The following IL1RAPL1 variants were observed in gnomAD, a reference collection of about 807,000 sequenced individuals.
IL1RAPL1 encodes the protein interleukin 1 receptor accessory protein like 1.
A neutral mutation model predicts 48.4 loss-of-function variants in IL1RAPL1; 3 were observed. That is an observed-to-expected ratio of 0.06 (90% CI 0.03 to 0.16). The LOEUF (loss-of-function observed/expected upper bound fraction) is 0.16, where lower values mean the gene tolerates loss of function less well. Ranked by LOEUF, IL1RAPL1 falls within the 10% of genes least tolerant of loss-of-function variation. IL1RAPL1 has a pLI of 1.00. For missense variants in IL1RAPL1, 349 were observed against 530.6 expected (o/e 0.66, Z 3.36); for synonymous variants, 185 against 187.7 (o/e 0.99, Z 0.12).
intron 2 of IL1RAPL1, among the ~76,000 whole-genome samples, chrX:29,087,383 G>A (rs1349420928): frequency 9.1e-6 from 1 of 110,217 alleles, no homozygotes; most frequent in Non-Finnish European, 1.9e-5. Context: ...TGATCTGCCC[G>A]CCTCGGCCTC....
intron 5 of IL1RAPL1, among the ~76,000 whole-genome samples, chrX:29,457,643 G>C (rs908085188): frequency 4.5e-5 from 5 of 112,193 alleles, no homozygotes; most frequent in African/African-American, 1.6e-4. Flanking sequence ...GGGTGAAGAA[G>C]ATACAAGTGC....
chrX:28,730,322 TAGAA>T (rs1164756555), intron 1 of IL1RAPL1, among the ~76,000 whole-genome samples: 1 of 111,648 alleles, frequency 9.0e-6, no homozygotes. Flanking sequence ...TGTATATAGT[TAGAA>T]AGGGCTATAG....
At chrX:28,932,379 C>A (rs1225504905) in intron 2 of IL1RAPL1, among the ~76,000 whole-genome samples, 1 of 111,593 alleles carries the variant, frequency 9.0e-6, no homozygotes, top group Admixed American at 9.5e-5. Context: ...AAATATGTCT[C>A]ATTATTTTCT....
chrX:29,879,913 G>A (rs1161532926), intron 6 of IL1RAPL1, among the ~76,000 whole-genome samples: 4 of 110,960 alleles, frequency 3.6e-5, no homozygotes, highest in Admixed American at 9.7e-5. Context: ...TAATAGTTTC[G>A]TGCCTAAGAG....
intron 5 of IL1RAPL1, among the ~76,000 whole-genome samples, chrX:29,441,081 T>C (rs774896064): frequency 9.0e-6 from 1 of 111,131 alleles, no homozygotes; most frequent in African/African-American, 3.3e-5. Flanking sequence ...ATCTACTTTT[T>C]ACAACTTTAA....
chrX:28,892,520 A>G (rs1459707805), intron 2 of IL1RAPL1, among the ~76,000 whole-genome samples: 1 of 111,524 alleles, frequency 9.0e-6, no homozygotes, highest in Non-Finnish European at 1.9e-5. Flanking sequence ...ATCCGGATGT[A>G]TATGTGTAGG....
At chrX:29,883,869 A>T (rs1336122093) in intron 6 of IL1RAPL1, among the ~76,000 whole-genome samples, 1 of 112,422 alleles carries the variant, frequency 8.9e-6, no homozygotes, top group Non-Finnish European at 1.9e-5. Flanking sequence ...AACTTAATTA[A>T]CATTTTCTAA....
At chrX:29,087,758 G>A (rs1450092611) in intron 2 of IL1RAPL1, among the ~76,000 whole-genome samples, 4 of 112,432 alleles carry the variant, frequency 3.6e-5, no homozygotes, top group African/African-American at 1.3e-4. Flanking sequence ...CATAGGCTGA[G>A]CTCAATGGCT....
chrX:28,944,897 G>A (rs939608531), intron 2 of IL1RAPL1, among the ~76,000 whole-genome samples: 1 of 110,214 alleles, frequency 9.1e-6, no homozygotes, highest in Non-Finnish European at 1.9e-5. Flanking sequence ...TTCAAAGTCA[G>A]TGATTGACAT....
At chrX:29,217,198 T>C (rs1185368349) in intron 2 of IL1RAPL1, among the ~76,000 whole-genome samples, 1 of 112,279 alleles carries the variant, frequency 8.9e-6, no homozygotes, top group Non-Finnish European at 1.9e-5. Flanking sequence ...GATACATGAT[T>C]GAATTGTTTA....
chrX:29,219,033 C>T (rs904402574), intron 2 of IL1RAPL1, among the ~76,000 whole-genome samples: 6 of 111,985 alleles, frequency 5.4e-5, no homozygotes, highest in African/African-American at 1.6e-4. Context: ...ATATGAAATG[C>T]GGTCTTTTGA....
chrX:29,823,779 A>G (rs1421625937), intron 6 of IL1RAPL1, among the ~76,000 whole-genome samples: 2 of 111,977 alleles, frequency 1.8e-5, no homozygotes, highest in Non-Finnish European at 3.8e-5. Context: ...GTATAACTTA[A>G]CATGTAATTT....
intron 5 of IL1RAPL1, among the ~76,000 whole-genome samples, chrX:29,561,991 A>G (rs1329725306): frequency 1.8e-5 from 2 of 111,259 alleles, no homozygotes; most frequent in Non-Finnish European, 3.8e-5. Flanking sequence ...AAAACATTAG[A>G]TATGAATTCT....
intron 2 of IL1RAPL1, among the ~76,000 whole-genome samples, chrX:28,981,773 C>T (rs1925347721): frequency 9.0e-6 from 1 of 111,603 alleles, no homozygotes; most frequent in East Asian, 2.8e-4. Context: ...AGGAGAAGGA[C>T]TGAAGAGAAG....
chrX:29,061,853 T>A (rs1927349705), intron 2 of IL1RAPL1, among the ~76,000 whole-genome samples: 1 of 112,562 alleles, frequency 8.9e-6, no homozygotes, highest in South Asian at 3.7e-4. Context: ...GTTCTTTAGT[T>A]GTCATTTCAA....
At chrX:29,599,589 T>C (rs1157597543) in intron 5 of IL1RAPL1, among the ~76,000 whole-genome samples, 1 of 112,540 alleles carries the variant, frequency 8.9e-6, no homozygotes, top group African/African-American at 3.2e-5. Context: ...GAAGTTTTCA[T>C]TGATTATTTC....
At chrX:29,619,432 TTATAA>T (rs1412680545) in intron 5 of IL1RAPL1, among the ~76,000 whole-genome samples, 1 of 111,803 alleles carries the variant, frequency 8.9e-6, no homozygotes, top group Admixed American at 9.6e-5. Flanking sequence ...GTTTTCTTTA[TTATAA>T]TCTATCTCAA....
At chrX:29,827,290 G>A (rs1333923728) in intron 6 of IL1RAPL1, among the ~76,000 whole-genome samples, 1 of 112,355 alleles carries the variant, frequency 8.9e-6, no homozygotes, top group Non-Finnish European at 1.9e-5. Flanking sequence ...AGTCATTATG[G>A]AGCTGTACTT....
chrX:29,586,932 C>T (rs1248002631), intron 5 of IL1RAPL1, among the ~76,000 whole-genome samples: 1 of 110,982 alleles, frequency 9.0e-6, no homozygotes, highest in Non-Finnish European at 1.9e-5. Flanking sequence ...TTGGTGGAAT[C>T]TTTAAGATTT....
Sources: allele counts gnomAD v4.1 joint callset (sites outside exome capture counted in the v4.1 genomes callset), GRCh38; gene constraint gnomAD v4.1.1; transcripts MANE v1.5; gene names NCBI Gene and HGNC (gene_info 2026-07-23, HGNC 2026-07-21).